The following IARS1 variants were observed in gnomAD, a reference collection of about 807,000 sequenced individuals.
IARS1 encodes the protein isoleucine--tRNA ligase, cytoplasmic.
A neutral mutation model predicts 168.2 loss-of-function variants in IARS1; 124 were observed. The ratio of observed to expected loss-of-function variants is 0.74; its 90% CI spans 0.64 to 0.86. The LOEUF is 0.86. Among genes scored for constraint, IARS1 ranks in the 40% least tolerant of loss-of-function variants. IARS1 has a pLI of 0.00. For missense variants in IARS1, 1,452 were observed against 1,515.8 expected, an observed-to-expected ratio of 0.96 and a Z score of 0.70; for synonymous variants, 532 against 529.4, an observed-to-expected ratio of 1.00 and a Z score of -0.07.
At chr9:92,265,286 C>T (rs1832126580) in intron 15 of IARS1, among the ~76,000 whole-genome samples, 163 bp from the exon 16 acceptor site, 1 of 152,200 alleles carries the variant, frequency 6.6e-6, no homozygotes, top group Non-Finnish European at 1.5e-5. Flanking sequence ...ATGAATCCTC[C>T]ATCTGAAAGG....
intron 33 of IARS1, among the ~76,000 whole-genome samples, chr9:92,219,622 C>T (rs1407134121): frequency 1.3e-5 from 2 of 151,710 alleles, no homozygotes; most frequent in African/African-American, 4.9e-5. Context: ...TGAACAGACA[C>T]TTCTCAAAAG....
chr9:92,238,650 A>G (rs1827917973), intron 30 of IARS1, among the ~76,000 whole-genome samples: 1 of 152,172 alleles, frequency 6.6e-6, no homozygotes, highest in African/African-American at 2.4e-5. Flanking sequence ...AAATGGACTA[A>G]TACAGTTACT....
At chr9:92,290,065 T>C (rs551957673) in intron 1 of IARS1, among the ~76,000 whole-genome samples, 3 of 151,902 alleles carry the variant, frequency 2.0e-5, no homozygotes, top group African/African-American at 7.2e-5. Flanking sequence ...TTCTCTTGGG[T>C]TTGTAGCTAG....
chr9:92,244,183 G>A (rs1433744440), intron 27 of IARS1, among the ~76,000 whole-genome samples: 1 of 152,164 alleles, frequency 6.6e-6, no homozygotes, highest in Admixed American at 6.5e-5. Context: ...AACATCTGCT[G>A]TAATGAGGAA....
intron 6 of IARS1, among the ~76,000 whole-genome samples, chr9:92,284,900 C>A (rs534518124): frequency 6.6e-6 from 1 of 152,240 alleles, no homozygotes; most frequent in Non-Finnish European, 1.5e-5. Flanking sequence ...TAAAAAAATA[C>A]AAACATGAGC....
At chr9:92,260,299 A>T in intron 17 of IARS1, 65 bp from the exon 18 acceptor site, 1 of 1,054,006 alleles carries the variant, frequency 9.5e-7, no homozygotes, top group Non-Finnish European at 1.5e-6. Context: ...TGTTTTAAGG[A>T]TACAAATCAT....
intron 31 of IARS1, among the ~76,000 whole-genome samples, chr9:92,226,807 C>CTTT (rs748657152): frequency 2.2e-5 from 3 of 135,368 alleles, no homozygotes; most frequent in East Asian, 2.1e-4. Context: ...TGGCCACCTT[C>CTTT]TTTTTTTTTT....
At chr9:92,287,742 T>C (rs762759696) in intron 4 of IARS1, 49 bp downstream of exon 4, 3 of 1,567,530 alleles carry the variant, frequency 1.9e-6, no homozygotes, top group Non-Finnish European at 2.6e-6. Flanking sequence ...TCAATGCCCA[T>C]TTAGTAACTA....
At chr9:92,254,177 C>T (rs936906647) in intron 20 of IARS1, among the ~76,000 whole-genome samples, 2 of 152,136 alleles carry the variant, frequency 1.3e-5, no homozygotes, top group Non-Finnish European at 2.9e-5. Flanking sequence ...CGAGTAAAAA[C>T]AGCATCAGAG....
chr9:92,242,953 GGATAT>G (rs1158883782), intron 28 of IARS1: 4 of 386,772 alleles, frequency 1.0e-5, no homozygotes, highest in Admixed American at 3.7e-5. Context: ...CAGTCACAGG[GGATAT>G]TCTGTAGAAG....
rs754533881 is a variant in IARS1, at chr9:92,285,740, C to CA, written c.578_579insT (p.Glu193AspfsTer7). On this transcript the variant is annotated frameshift_variant, in exon 6 of 34. Transcript: ENST00000443024. LOFTEE classifies it high-confidence loss of function. The stretch of plus-strand genomic sequence containing the variant: ...CACGTACCTTATAATTCTGGTGTGA[C>CA]TCGAAGTTGGAAAGTGGAGTGTTAC... The CA allele has an allele frequency of 2.5e-6, 4 of 1,605,352 alleles. No homozygotes were observed. The South Asian group carries it at 4.4e-5, about 18-fold the overall frequency.
chr9:92,223,228 G>T, intron 32 of IARS1, 118 bp downstream of exon 32: 1 of 875,824 alleles, frequency 1.1e-6, no homozygotes, highest in Non-Finnish European at 1.6e-6. Flanking sequence ...AGTTGCGTGA[G>T]AGCCCACACT....
At chr9:92,214,084 C>A (rs1001737097) in intron 33 of IARS1, among the ~76,000 whole-genome samples, 4 of 151,892 alleles carry the variant, frequency 2.6e-5, no homozygotes, top group African/African-American at 7.3e-5. Flanking sequence ...ACCACGCAGA[C>A]CCAGTCACAG....
At chr9:92,221,557 G>A (rs1270999578) in intron 33 of IARS1, among the ~76,000 whole-genome samples, 1 of 152,192 alleles carries the variant, frequency 6.6e-6, no homozygotes. Flanking sequence ...ATTACAGAAC[G>A]AAACTCAGAG....
chr9:92,257,675 C>T (rs537068635), intron 19 of IARS1, among the ~76,000 whole-genome samples: 1 of 152,148 alleles, frequency 6.6e-6, no homozygotes, highest in South Asian at 2.1e-4. Context: ...ACAACCAGAG[C>T]CCAAGGGGAG....
chr9:92,235,913 G>GA (rs1318793255), intron 30 of IARS1, among the ~76,000 whole-genome samples: 5 of 152,032 alleles, frequency 3.3e-5, no homozygotes, highest in Non-Finnish European at 7.4e-5. Flanking sequence ...ATACATAGCT[G>GA]AATTCTATTT....
intron 33 of IARS1, among the ~76,000 whole-genome samples, chr9:92,214,663 C>A (rs984461297): frequency 6.6e-6 from 1 of 152,156 alleles, no homozygotes; most frequent in Non-Finnish European, 1.5e-5. Context: ...GGGTGACGGA[C>A]GGCACCTGGA....
chr9:92,221,340 C>A (rs545290777), intron 33 of IARS1, among the ~76,000 whole-genome samples: 14 of 151,910 alleles, frequency 9.2e-5, no homozygotes, highest in Non-Finnish European at 1.5e-4. Context: ...CCACAAGTGC[C>A]GAAAGACACA....
At position 92,260,196 on chromosome 9, in the gene IARS1, G is replaced by A. The variant is rs894943904; in HGVS notation, c.1826C>T (p.Pro609Leu). Residue 609 changes from proline (P) to leucine (L), a missense_variant, in exon 18 of 34, where the codon CCA becomes CTA. Transcript: ENST00000443024. Reference protein sequence around the residue: ...QKMSKRKKNYPDPVSIIQKYG... With the variant: ...QKMSKRKKNYLDPVSIIQKYG... ...CTTCTGGATGATGGAAACTGGATCTGGATAATTCTTTTTCCGTTTGCTCAT... is the reference window on the plus strand; with the variant it reads ...CTTCTGGATGATGGAAACTGGATCTAGATAATTCTTTTTCCGTTTGCTCAT... 2.5e-6 allele frequency: 4 copies of A among 1,614,078 alleles called. No individual in the cohort carries two copies. Among genetic ancestry groups the A allele is most frequent in the African/African-American group, 1.3e-5 (1 of 75,040 alleles).
Sources: allele counts gnomAD v4.1 joint callset (sites outside exome capture counted in the v4.1 genomes callset), GRCh38; gene constraint gnomAD v4.1.1; transcripts MANE v1.5; gene names NCBI Gene and HGNC (gene_info 2026-07-23, HGNC 2026-07-21).